DOCK1: variants seen among roughly 807,000 people sequenced by gnomAD.
DOCK1 encodes the protein dedicator of cytokinesis 1.
In DOCK1, 138 loss-of-function variants were observed where a neutral mutation model predicts 262.7. The ratio of observed to expected loss-of-function variants is 0.53; its 90% CI spans 0.46 to 0.61. DOCK1 has a LOEUF of 0.61. Among genes scored for constraint, DOCK1 ranks in the 20% least tolerant of loss-of-function variants. The pLI is 0.00. For synonymous variants in DOCK1, 866 were observed against 867.4 expected (o/e 1.00, Z 0.03); for missense variants, 1,908 against 2,370.7 (o/e 0.80, Z 4.05).
intron 13 of DOCK1, among the ~76,000 whole-genome samples, chr10:127,021,549 G>A (rs2042423842): frequency 6.6e-6 from 1 of 152,182 alleles, no homozygotes; most frequent in Non-Finnish European, 1.5e-5. Flanking sequence ...TTCCTTATCA[G>A]TGAGGCTGTT....
chr10:127,000,597 C>G, intron 10 of DOCK1: 1 of 324,678 alleles, frequency 3.1e-6, no homozygotes, highest in South Asian at 5.3e-5. Context: ...TGTAGGGAAG[C>G]CAGTCAGTGG....
At chr10:127,212,581 C>A (rs2058028634) in intron 27 of DOCK1, among the ~76,000 whole-genome samples, 1 of 152,144 alleles carries the variant, frequency 6.6e-6, no homozygotes, top group African/African-American at 2.4e-5. Flanking sequence ...TTCAGGGAGC[C>A]TGCGTGAGTT....
chr10:127,240,585 T>G (rs1259104738), intron 27 of DOCK1, among the ~76,000 whole-genome samples: 1 of 152,170 alleles, frequency 6.6e-6, no homozygotes, highest in Non-Finnish European at 1.5e-5. Flanking sequence ...CGTGACATAC[T>G]TTTTGAGGGC....
At chr10:126,962,942 G>C (rs2037341201) in intron 1 of DOCK1, among the ~76,000 whole-genome samples, 1 of 151,430 alleles carries the variant, frequency 6.6e-6, no homozygotes. Flanking sequence ...TTTTTTGCAA[G>C]TGGATATCCA....
chr10:127,421,707 G>T (rs916021117), intron 46 of DOCK1, among the ~76,000 whole-genome samples: 3 of 152,204 alleles, frequency 2.0e-5, no homozygotes, highest in African/African-American at 7.2e-5. Flanking sequence ...TAGCTTATAT[G>T]AGTGGAATCA....
intron 25 of DOCK1, among the ~76,000 whole-genome samples, chr10:127,125,182 A>C (rs1456607653): frequency 6.6e-6 from 1 of 152,218 alleles, no homozygotes; most frequent in Non-Finnish European, 1.5e-5. Context: ...ATGTGCACAC[A>C]GTGGGATATA....
intron 1 of DOCK1, among the ~76,000 whole-genome samples, chr10:126,967,289 T>C (rs2037744576): frequency 6.6e-6 from 1 of 152,144 alleles, no homozygotes; most frequent in African/African-American, 2.4e-5. Context: ...AAAGGCCAAA[T>C]AATCAGAATA....
intron 25 of DOCK1, among the ~76,000 whole-genome samples, chr10:127,123,753 C>G (rs1288398289): frequency 2.6e-5 from 4 of 152,142 alleles, no homozygotes; most frequent in African/African-American, 9.7e-5. Context: ...CTAGGGCAGT[C>G]TCCTACACGG....
At chr10:127,109,395 A>G (rs2048731139) in intron 24 of DOCK1, among the ~76,000 whole-genome samples, 1 of 152,180 alleles carries the variant, frequency 6.6e-6, no homozygotes, top group South Asian at 2.1e-4. Context: ...TTGTGGTATT[A>G]TTTACAAACG....
rs1564871616 is a variant in DOCK1 at position 127,176,060 on chromosome 10, C to G, written c.2847+48296C>G. ...CCAGAGGGAACGTCTGGTAACACTT[C>G]TTAAGGTCGGGCGAGGTCTGCACGC... On this transcript the variant is annotated intron_variant, in intron 27 of 51. Transcript: ENST00000623213. The surrounding 1 kb of genome is among the most constrained non-coding windows in gnomAD (Gnocchi z 4.4). 3 of 1,614,108 alleles carry G rather than the reference C, an allele frequency of 1.9e-6. No individual in the cohort carries two copies. The highest frequency in any genetic ancestry group is 1.7e-6 in the Non-Finnish European group (2 of 1,180,024).
chr10:127,351,450 C>T (rs187998094), intron 31 of DOCK1, among the ~76,000 whole-genome samples: 1 of 152,282 alleles, frequency 6.6e-6, no homozygotes, highest in Admixed American at 6.5e-5. Flanking sequence ...AGATGTGACG[C>T]TGTGTCGTGC....
intron 27 of DOCK1, among the ~76,000 whole-genome samples, chr10:127,242,292 T>C (rs766282224): frequency 6.6e-6 from 1 of 152,234 alleles, no homozygotes; most frequent in African/African-American, 2.4e-5. Context: ...TGTGCAGACT[T>C]TGCAGGAGTT....
At chr10:126,953,387 GGTA>G (rs1359781301) in intron 1 of DOCK1, among the ~76,000 whole-genome samples, 4 of 151,430 alleles carry the variant, frequency 2.6e-5, no homozygotes, top group Non-Finnish European at 4.4e-5. Context: ...TCATAGTGTT[GGTA>G]GTGGTGGTAT....
At chr10:127,088,211 T>G (rs2047312823) in intron 23 of DOCK1, among the ~76,000 whole-genome samples, 1 of 152,226 alleles carries the variant, frequency 6.6e-6, no homozygotes, top group Non-Finnish European at 1.5e-5. Context: ...TTTTATAAAT[T>G]GGATGTGCAT....
intron 3 of DOCK1, among the ~76,000 whole-genome samples, chr10:126,980,381 T>A (rs12571997): frequency 0.47 from 71,528 of 151,596 alleles, 17,240 homozygotes; most frequent in East Asian, 0.64. Flanking sequence ...ATTTCGGCAG[T>A]GAAAGGGTCT....
chr10:127,177,165 A>G (rs897466791), intron 27 of DOCK1: 2 of 152,124 alleles, frequency 1.3e-5, no homozygotes, highest in African/African-American at 4.8e-5. Context: ...AAAAGAAATT[A>G]CTCATTCTAG....
chr10:127,161,140 G>T (rs573259672), intron 27 of DOCK1, among the ~76,000 whole-genome samples: 3 of 152,284 alleles, frequency 2.0e-5, no homozygotes, highest in Admixed American at 6.5e-5. Flanking sequence ...TTATGCCCCG[G>T]ACATGTACTT....
chr10:126,926,990 C>G (rs549962927), intron 1 of DOCK1, among the ~76,000 whole-genome samples: 2 of 152,134 alleles, frequency 1.3e-5, no homozygotes, highest in Non-Finnish European at 2.9e-5. Context: ...AGTTGAGACA[C>G]AGGGGAAAAA....
At chr10:127,162,656 CA>C (rs1182270295) in intron 27 of DOCK1, among the ~76,000 whole-genome samples, 1 of 152,170 alleles carries the variant, frequency 6.6e-6, no homozygotes, top group African/African-American at 2.4e-5. Context: ...CATGTGGTCT[CA>C]TTTAACATGT....
Sources: gnomAD v4.1 joint callset for allele counts (sites outside exome capture counted in the v4.1 genomes callset) on GRCh38, gnomAD v4.1.1 for gene constraint, Gnocchi (gnomAD v3.1) non-coding constraint, MANE v1.5 for transcripts, NCBI Gene and HGNC (gene_info 2026-07-23, HGNC 2026-07-21) for gene names.